Variants in HAAO observed in about 807,000 individuals in gnomAD.
HAAO encodes 3-hydroxyanthranilate oxygenase.
HAAO carries 49 observed loss-of-function variants against 46.2 expected under a neutral mutation model. The ratio of observed to expected loss-of-function variants is 1.06; its 90% CI spans 0.84 to 1.34. The LOEUF is 1.34. HAAO is among the 40% of genes most tolerant of loss of function. The pLI is 0.00. For synonymous variants in HAAO, 157 were observed against 145.2 expected (o/e 1.08, Z -0.58); for missense variants, 408 against 364.5 (o/e 1.12, Z -0.97).
intron 4 of HAAO, among the ~76,000 whole-genome samples, chr2:42,781,634 A>G (rs1416357511): frequency 6.6e-6 from 1 of 152,212 alleles, no homozygotes; most frequent in Non-Finnish European, 1.5e-5. Flanking sequence ...GCACTTTGGA[A>G]GGCCGAGGCA....
Position 42,770,164 on chromosome 2 carries a change from T to C in HAAO, c.463A>G (p.Arg155Gly). ...TCACCAGGGATGGGCTTTCCTGTTC[T>C]GTACTGCTCAGAGCTGAAGAACCTG... Reference protein sequence around the residue: ...IQEFFSSEQYRTGKPIPDQLL... With the variant: ...IQEFFSSEQYGTGKPIPDQLL... The change falls in exon 6 of 10, where the codon AGA (arginine) becomes GGA (glycine). Residue 155 changes from arginine to glycine, a missense_variant. Coordinates refer to ENST00000294973, the MANE Select transcript of HAAO (RefSeq NM_012205.3). 1 of 1,603,104 alleles carries C rather than the reference T, an allele frequency of 6.2e-7. No individual in the cohort carries two copies. Among genetic ancestry groups the C allele is most frequent in the South Asian group, 1.1e-5 (1 of 89,302 alleles).
intron 4 of HAAO, chr2:42,783,060 G>T (rs957303459): frequency 1.1e-5 from 6 of 546,906 alleles, no homozygotes; most frequent in Non-Finnish European, 2.0e-5. Context: ...CACAGATTCT[G>T]ATTCCAGCCA....
chr2:42,771,692 GC>G, intron 4 of HAAO, among the ~76,000 whole-genome samples: 1 of 152,360 alleles, frequency 6.6e-6, no homozygotes, highest in South Asian at 2.1e-4. Flanking sequence ...TGGGCCCCAG[GC>G]CCCTGTGGGT....
intron 4 of HAAO, among the ~76,000 whole-genome samples, chr2:42,779,536 G>C (rs997336983): frequency 6.6e-6 from 1 of 152,108 alleles, no homozygotes; most frequent in Non-Finnish European, 1.5e-5. Context: ...TGGTCAGGCT[G>C]GTCTTGAACT....
At chr2:42,791,150 T>G (rs1201576350) in intron 1 of HAAO, among the ~76,000 whole-genome samples, 4 of 152,120 alleles carry the variant, frequency 2.6e-5, no homozygotes, top group African/African-American at 4.8e-5. Context: ...TGGAGTAGGG[T>G]GAGCCCCTGA....
In HAAO at chr2:42,770,171, C is replaced by A; in HGVS notation, c.456G>T (p.Glu152Asp). The A allele has an allele frequency of 6.2e-7, 1 of 1,601,930 alleles. No homozygotes were observed. The highest frequency in any genetic ancestry group is 8.5e-7 in the Non-Finnish European group (1 of 1,173,202). The change falls in exon 6 of 10, where the codon GAG (glutamate) becomes GAT (aspartate). Residue 152 changes from glutamate to aspartate, a missense_variant. Physicochemically the swap from Glu to Asp is conservative, Grantham distance 45. Transcript: ENST00000294973. ...GGATGGGCTTTCCTGTTCTGTACTGCTCAGAGCTGAAGAACCTGCAAGGAC... is the reference window on the plus strand; with the variant it reads ...GGATGGGCTTTCCTGTTCTGTACTGATCAGAGCTGAAGAACCTGCAAGGAC... ...APIIQEFFSS[E>D]QYRTGKPIPD...
chr2:42,777,303 C>CAAAAAA (rs1215772853), intron 4 of HAAO, among the ~76,000 whole-genome samples: 14 of 40,154 alleles, frequency 3.5e-4, no homozygotes, highest in African/African-American at 6.7e-4. Context: ...ACTCTTATCG[C>CAAAAAA]AAAAAAAAAA....
intron 4 of HAAO, among the ~76,000 whole-genome samples, chr2:42,779,974 T>G (rs554571534): frequency 6.6e-6 from 1 of 152,246 alleles, no homozygotes; most frequent in East Asian, 1.9e-4. Context: ...TGGTATGTAT[T>G]CCAAAATTAT....
intron 7 of HAAO, among the ~76,000 whole-genome samples, chr2:42,768,759 G>T (rs952135590): frequency 4.6e-5 from 7 of 152,148 alleles, no homozygotes; most frequent in Admixed American, 4.6e-4. Flanking sequence ...CAATACTTTG[G>T]TGGAGGGCTG....
Position 42,783,764 on chromosome 2 carries a change from C to T in HAAO, c.243+20G>A, listed in dbSNP as rs1312010283. On this transcript the variant is annotated intron_variant, in intron 3 of 9. Transcript: ENST00000294973. The stretch of plus-strand genomic sequence containing the variant: ...TGTGGCCGCCTTTCTCTTCCCCACC[C>T]TGCTGGGATCCGGCCTCACCTCTCC... 2 of 1,602,830 alleles carry T rather than the reference C, an allele frequency of 1.2e-6. No homozygotes were observed. Among genetic ancestry groups the T allele is most frequent in the Non-Finnish European group, 1.7e-6 (2 of 1,173,042 alleles).
chr2:42,770,708 A>G, intron 4 of HAAO, 126 bp from the exon 5 acceptor site: 3 of 600,310 alleles, frequency 5.0e-6, no homozygotes, highest in Middle Eastern at 2.6e-4. Context: ...CCCCTGTTAC[A>G]CACCCTAGTG....
chr2:42,778,904 A>G lies in HAAO; in HGVS notation c.350+4410T>C, dbSNP rs532821046. Among the ~76,000 whole-genome samples the G allele has an allele frequency of 2.0e-3, 302 of 152,256 alleles. 1 individual carries two copies. Among genetic ancestry groups the G allele is most frequent in the African/African-American group, 7.0e-3 (292 of 41,538 alleles). On this transcript the variant is annotated intron_variant, in intron 4 of 9. Coordinates refer to ENST00000294973, the MANE Select transcript of HAAO (RefSeq NM_012205.3). ...TGGGGTGGGTGGATCATGTAAGGTCAGGAGTTCGAGACCAGCTTGACTAAC... is the reference window on the plus strand; with the variant it reads ...TGGGGTGGGTGGATCATGTAAGGTCGGGAGTTCGAGACCAGCTTGACTAAC...
Position 42,767,490 on chromosome 2 carries a change from A to C in HAAO, c.808T>G (p.Ser270Ala), listed in dbSNP as rs764720518. 1 of 1,613,094 alleles carries C rather than the reference A, an allele frequency of 6.2e-7. No individual in the cohort carries two copies. Among genetic ancestry groups the C allele is most frequent in the South Asian group, 1.1e-5 (1 of 90,754 alleles). The stretch of plus-strand genomic sequence containing the variant: ...TCCTGGGTCACAGACAGGGCCACAG[A>C]GCCTTGTGTTCGCTCCCAGGCATAC... ...TSYAWERTQG[S>A]VALSVTQDPA... Residue 270 changes from serine (S) to alanine (A), a missense_variant, in exon 10 of 10, where the codon TCT (serine) becomes GCT (alanine). Transcript: ENST00000294973.
In HAAO at chr2:42,792,439, T is replaced by C. The variant is rs756802845; in HGVS notation, c.80+18A>G. On this transcript the variant is annotated intron_variant, in intron 1 of 9. Transcript: ENST00000294973. ...AGGAGGCGAGGGCAGGGGGCGGCCA[T>C]GGGGGTGCTGGACTCACATGAGCTT... 7 of 1,477,232 alleles carry C rather than the reference T, an allele frequency of 4.7e-6. No individual in the cohort carries two copies. Among genetic ancestry groups the C allele is most frequent in the Non-Finnish European group, 4.6e-6 (5 of 1,090,316 alleles). 91.5% of individuals were successfully genotyped at this position (1,477,232 alleles called of 1,614,324 possible). A position where few individuals can be genotyped will look rare whatever the true frequency, so the allele number is the denominator to read the frequency against.
intron 4 of HAAO, among the ~76,000 whole-genome samples, chr2:42,771,685 G>T (rs1050051648): frequency 6.6e-6 from 1 of 152,250 alleles, no homozygotes; most frequent in African/African-American, 2.4e-5. Flanking sequence ...GCTGGGATGG[G>T]CCCCAGGCCC....
At chr2:42,783,963 A>G in intron 2 of HAAO, 96 bp from the exon 3 acceptor site, 1 of 1,536,228 alleles carries the variant, frequency 6.5e-7, no homozygotes, top group Non-Finnish European at 8.8e-7. Context: ...AAACCTGAGA[A>G]ACTTTCTGAA....
intron 1 of HAAO, among the ~76,000 whole-genome samples, chr2:42,790,225 A>G (rs1672686842): frequency 6.6e-6 from 1 of 152,202 alleles, no homozygotes; most frequent in Admixed American, 6.5e-5. Flanking sequence ...GCTGGGCCCA[A>G]TAAACCGGAA....
chr2:42,779,262 G>A (rs892434908), intron 4 of HAAO, among the ~76,000 whole-genome samples: 2 of 151,990 alleles, frequency 1.3e-5, no homozygotes, highest in African/African-American at 2.4e-5. Context: ...GGTTATGAAA[G>A]GTTTATGGAA....
At chr2:42,783,957 C>G (rs1672207652) in intron 2 of HAAO, 90 bp from the exon 3 acceptor site, 2 of 1,540,160 alleles carry the variant, frequency 1.3e-6, no homozygotes, top group African/African-American at 1.4e-5. Flanking sequence ...ACCGGGAAAC[C>G]TGAGAAACTT....
Sources: gnomAD v4.1 joint callset for allele counts (sites outside exome capture counted in the v4.1 genomes callset) on GRCh38, gnomAD v4.1.1 for gene constraint, MANE v1.5 for transcripts, NCBI Gene and HGNC (gene_info 2026-07-23, HGNC 2026-07-21) for gene names.